STAB2: variants seen among roughly 807,000 people sequenced by gnomAD.
The protein encoded by STAB2 is stabilin 2.
STAB2 carries 288 observed loss-of-function variants against 338.1 expected under a neutral mutation model. The observed-to-expected ratio is 0.85, with a 90% CI of 0.77 to 0.94. The LOEUF is 0.94. Among genes scored for constraint, STAB2 ranks in the 40% least tolerant of loss-of-function variants. The pLI is 0.00. For synonymous variants in STAB2, 1,202 were observed against 1,193.3 expected (o/e 1.01, Z -0.15); for missense variants, 3,141 against 3,210.1 (o/e 0.98, Z 0.52).
rs543023042 is a variant in STAB2, at chr12:103,697,811, G to T, written c.3583-1285G>T. On this transcript the variant is annotated intron_variant, in intron 33 of 68. Transcript: ENST00000388887. Reference sequence around the variant, plus strand: ...ACAGGATTCACTTATGACCCCTAAAGCTAGGAGAACAATGGGAGGAGGTTG... The same window carrying T: ...ACAGGATTCACTTATGACCCCTAAATCTAGGAGAACAATGGGAGGAGGTTG... Among the ~76,000 whole-genome samples the T allele has an allele frequency of 1.6e-4, 24 of 152,322 alleles. No homozygotes were observed. The South Asian group carries it at 4.8e-3, about 30-fold the overall frequency.
At chr12:103,726,317 C>A (rs996496330) in intron 46 of STAB2, among the ~76,000 whole-genome samples, 154 bp downstream of exon 46, 8 of 152,090 alleles carry the variant, frequency 5.3e-5, no homozygotes, top group African/African-American at 1.9e-4. Flanking sequence ...GGCAAAACCC[C>A]GTCTCTTTTA....
chr12:103,699,332 A>G (rs1878667068), intron 34 of STAB2, 105 bp downstream of exon 34: 1 of 1,401,878 alleles, frequency 7.1e-7, no homozygotes, highest in South Asian at 1.5e-5. Context: ...TCACTTCTGT[A>G]TTAGTCAGTT....
intron 49 of STAB2, among the ~76,000 whole-genome samples, chr12:103,731,279 C>T (rs1566055598): frequency 6.6e-6 from 1 of 152,138 alleles, no homozygotes; most frequent in South Asian, 2.1e-4. Flanking sequence ...CAGCTGCTGC[C>T]ACCTCATATT....
At chr12:103,760,146 A>G (rs1884431547) in intron 65 of STAB2, among the ~76,000 whole-genome samples, 1 of 152,176 alleles carries the variant, frequency 6.6e-6, no homozygotes, top group South Asian at 2.1e-4. Flanking sequence ...CTCATGGGAA[A>G]TTGTATTACC....
At chr12:103,740,508 C>A in intron 54 of STAB2, 122 bp from the exon 55 acceptor site, 1 of 1,379,824 alleles carries the variant, frequency 7.2e-7, no homozygotes, top group Non-Finnish European at 9.6e-7. Context: ...AGTTGGCTCA[C>A]ACTGGAAGTC....
At chr12:103,682,764 A>T (rs954662179) in intron 25 of STAB2, among the ~76,000 whole-genome samples, 1 of 152,100 alleles carries the variant, frequency 6.6e-6, no homozygotes, top group African/African-American at 2.4e-5. Context: ...CCTGACCAAC[A>T]TGGTGAAACC....
chr12:103,753,448 TCAAG>T, intron 61 of STAB2, 95 bp downstream of exon 61: 2 of 1,558,360 alleles, frequency 1.3e-6, no homozygotes, highest in Non-Finnish European at 1.8e-6. Flanking sequence ...GCTGTTGCCT[TCAAG>T]CAAGGGAGTG....
chr12:103,629,004 AGTTGT>A (rs950753027), intron 5 of STAB2, among the ~76,000 whole-genome samples: 1 of 152,174 alleles, frequency 6.6e-6, no homozygotes, highest in Admixed American at 6.5e-5. Flanking sequence ...TCTAAAATTT[AGTTGT>A]GTAGTTGTTG....
At chr12:103,746,474 C>T (rs1005901077) in intron 57 of STAB2, 123 bp from the exon 58 acceptor site, 1 of 803,632 alleles carries the variant, frequency 1.2e-6, no homozygotes, top group South Asian at 1.6e-5. Context: ...CCCCATCTTC[C>T]TGCTGTACAG....
chr12:103,722,613 A>G (rs1880853297), intron 44 of STAB2, among the ~76,000 whole-genome samples: 1 of 152,240 alleles, frequency 6.6e-6, no homozygotes. Context: ...AAAATTTTAA[A>G]CCTACATGAA....
intron 25 of STAB2, among the ~76,000 whole-genome samples, chr12:103,678,646 C>G (rs1876611194): frequency 6.6e-6 from 1 of 152,186 alleles, no homozygotes; most frequent in African/African-American, 2.4e-5. Flanking sequence ...CCTGCCTCAG[C>G]CTCCCGAGTA....
chr12:103,623,880 A>G (rs1053841440), intron 5 of STAB2, among the ~76,000 whole-genome samples: 1 of 152,172 alleles, frequency 6.6e-6, no homozygotes, highest in Non-Finnish European at 1.5e-5. Flanking sequence ...CCCTCAGGCT[A>G]AGAGCTGTGG....
At chr12:103,710,964 T>C (rs1473378946) in intron 39 of STAB2, among the ~76,000 whole-genome samples, 1 of 152,208 alleles carries the variant, frequency 6.6e-6, no homozygotes, top group African/African-American at 2.4e-5. Flanking sequence ...TCAACAAATA[T>C]TGTGTACCTG....
chr12:103,727,170 G>A (rs1456019125), intron 46 of STAB2, 97 bp from the exon 47 acceptor site: 4 of 1,276,622 alleles, frequency 3.1e-6, no homozygotes, highest in Non-Finnish European at 4.6e-6. Context: ...TCCAGTCTTT[G>A]CTTCACCCAG....
chr12:103,613,083 G>A (rs1957151921), intron 3 of STAB2, among the ~76,000 whole-genome samples: 1 of 152,188 alleles, frequency 6.6e-6, no homozygotes, highest in Non-Finnish European at 1.5e-5. Context: ...CGTGTGAGGT[G>A]TCAGTCTGCC....
chr12:103,716,651 G>C (rs1821570289), intron 43 of STAB2, among the ~76,000 whole-genome samples: 1 of 152,230 alleles, frequency 6.6e-6, no homozygotes, highest in African/African-American at 2.4e-5. Context: ...TGTCTTGAAA[G>C]AACTGTGTGA....
At position 103,630,464 on chromosome 12, in the gene STAB2, C is replaced by A. The variant is rs147601791; in HGVS notation, c.488-1134C>A. Among the ~76,000 whole-genome samples, 593 of 152,216 alleles carry A rather than the reference C, an allele frequency of 3.9e-3. 3 individuals are homozygous for A. Among genetic ancestry groups the A allele is most frequent in the African/African-American group, 0.014 (576 of 41,554 alleles). ...CACGTGTAGTAGGCAGAAAAATGAG[C>A]CCCCAAAATGTCCTAATCCCTGGAA... On this transcript the variant is annotated intron_variant, in intron 5 of 68. Transcript: ENST00000388887.
rs767571955 is a variant in STAB2, at chr12:103,728,905, C to T, written c.4992C>T (p.Val1664=). ...LMPQVLRYHV[V]ACHQLLLENL... ...CCCAGGTTCTTCGGTACCATGTGGT[C>T]GCCTGCCACCAGCTGCTTCTGGAAA... Residue 1664 remains valine, a synonymous_variant, in exon 48 of 69, where the codon GTC becomes GTT. Coordinates refer to ENST00000388887, the MANE Select transcript of STAB2 (RefSeq NM_017564.10). 7 of 1,613,842 alleles carry T rather than the reference C, an allele frequency of 4.3e-6. No individual in the cohort carries two copies. The highest frequency in any genetic ancestry group is 2.2e-5 in the East Asian group (1 of 44,898).
intron 18 of STAB2, among the ~76,000 whole-genome samples, chr12:103,663,354 C>T (rs1874788126): frequency 6.6e-6 from 1 of 152,078 alleles, no homozygotes; most frequent in Non-Finnish European, 1.5e-5. Flanking sequence ...CATGCTCCCT[C>T]TGAAGGCTCT....
Sources: allele counts gnomAD v4.1 joint callset (sites outside exome capture counted in the v4.1 genomes callset), GRCh38; gene constraint gnomAD v4.1.1; transcripts MANE v1.5; gene names NCBI Gene and HGNC (gene_info 2026-07-23, HGNC 2026-07-21).